The following GKAP1 variants were observed in gnomAD, a reference collection of about 807,000 sequenced individuals.
GKAP1 encodes the protein G kinase anchoring protein 1, also known as G kinase-anchoring protein 1.
Under a neutral mutation model 56.7 loss-of-function variants are expected in GKAP1, and 31 were observed. The ratio of observed to expected loss-of-function variants is 0.55; its 90% CI spans 0.41 to 0.74. The LOEUF (loss-of-function observed/expected upper bound fraction) is 0.74, where lower values mean the gene tolerates loss of function less well. Among genes scored for constraint, GKAP1 ranks in the 30% least tolerant of loss-of-function variants. GKAP1 has a pLI of 0.00. For synonymous variants in GKAP1, 151 were observed against 138.6 expected, an observed-to-expected ratio of 1.09 and a Z score of -0.63; for missense variants, 364 against 402.3, an observed-to-expected ratio of 0.90 and a Z score of 0.82.
intron 8 of GKAP1, among the ~76,000 whole-genome samples, chr9:83,764,516 T>C (rs1015006770): frequency 2.0e-5 from 3 of 152,110 alleles, no homozygotes; most frequent in African/African-American, 7.2e-5. Flanking sequence ...AGTAAATTGG[T>C]ACCACAGAGA....
intron 3 of GKAP1, among the ~76,000 whole-genome samples, chr9:83,805,391 C>T (rs1057144233): frequency 3.7e-4 from 56 of 151,948 alleles, no homozygotes; most frequent in Non-Finnish European, 6.3e-4. Flanking sequence ...GTTTATCTGC[C>T]GACCTTCCCT....
In GKAP1 at chr9:83,748,317, T is replaced by C; in HGVS notation, c.896A>G (p.Glu299Gly). ...ACATAAAATCCACTTACTTTCACCT[T>C]CCTGAAGCATTTTCAATAATTGTGC... ...RNAQLLKMLQ[E>G]GEMKDKAEIL... The change falls in exon 10 of 13, where the codon GAA (glutamate) becomes GGA (glycine). Residue 299 changes from glutamate (E) to glycine (G), a missense_variant. Physicochemically the swap from Glu to Gly is moderately conservative, Grantham distance 98. Transcript: ENST00000376371. 6.3e-7 allele frequency: 1 copy of C among 1,595,802 alleles called. No individual in the cohort carries two copies. Among genetic ancestry groups the C allele is most frequent in the Non-Finnish European group, 8.6e-7 (1 of 1,167,852 alleles).
intron 9 of GKAP1, chr9:83,749,077 C>T (rs1416577236): frequency 1.3e-5 from 2 of 152,028 alleles, no homozygotes; most frequent in South Asian, 4.1e-4. Context: ...GGCTTAGCTT[C>T]TTCTCACATT....
intron 2 of GKAP1, among the ~76,000 whole-genome samples, chr9:83,810,380 A>C (rs1276701484): frequency 6.6e-6 from 1 of 152,258 alleles, no homozygotes; most frequent in African/African-American, 2.4e-5. Flanking sequence ...CACAGAAGCA[A>C]GTACAATTCT....
chr9:83,804,159 T>C (rs559727891), intron 3 of GKAP1, among the ~76,000 whole-genome samples: 92 of 116,308 alleles, frequency 7.9e-4, no homozygotes, highest in Middle Eastern at 6.3e-3. Context: ...CCGCCCCGTC[T>C]GGGAGGTGAG....
At chr9:83,796,287 TA>T (rs2131308385) in intron 4 of GKAP1, among the ~76,000 whole-genome samples, 1 of 152,252 alleles carries the variant, frequency 6.6e-6, no homozygotes, top group Non-Finnish European at 1.5e-5. Context: ...GGACATTAAT[TA>T]TGCCTCTGTT....
chr9:83,743,885 T>G (rs1424619506), intron 10 of GKAP1, among the ~76,000 whole-genome samples: 1 of 152,156 alleles, frequency 6.6e-6, no homozygotes, highest in Non-Finnish European at 1.5e-5. Context: ...GAGAACTTCC[T>G]TAACTCATGG....
intron 4 of GKAP1, among the ~76,000 whole-genome samples, chr9:83,798,569 T>C (rs540954957): frequency 4.6e-5 from 7 of 152,276 alleles, no homozygotes; most frequent in Admixed American, 4.6e-4. Flanking sequence ...CAGGCTGGAG[T>C]GCAGTGACAA....
intron 6 of GKAP1, among the ~76,000 whole-genome samples, chr9:83,783,609 A>G (rs935683907): frequency 3.3e-5 from 5 of 152,210 alleles, no homozygotes; most frequent in African/African-American, 9.7e-5. Context: ...ATGATACTAT[A>G]AACACTTTTC....
chr9:83,774,419 T>C (rs1181412012), intron 7 of GKAP1, among the ~76,000 whole-genome samples: 2 of 151,336 alleles, frequency 1.3e-5, no homozygotes, highest in Non-Finnish European at 2.9e-5. Context: ...CTGGACAACA[T>C]GGCGAAACCC....
chr9:83,783,690 C>T (rs7874436), intron 6 of GKAP1, among the ~76,000 whole-genome samples: 85,759 of 152,036 alleles, frequency 0.56, 24,793 homozygotes, highest in Admixed American at 0.7. Context: ...CTTGAAGAGG[C>T]TGACCAACAA....
intron 7 of GKAP1, among the ~76,000 whole-genome samples, chr9:83,775,445 C>A (rs1943841726): frequency 6.6e-6 from 1 of 152,086 alleles, no homozygotes; most frequent in Non-Finnish European, 1.5e-5. Context: ...TATTCTATGA[C>A]CCCGATGTGA....
At chr9:83,800,730 C>T (rs1232407030) in intron 3 of GKAP1, among the ~76,000 whole-genome samples, 1 of 152,230 alleles carries the variant, frequency 6.6e-6, no homozygotes, top group African/African-American at 2.4e-5. Flanking sequence ...CTATAACCTA[C>T]TTTTGTACCA....
intron 10 of GKAP1, among the ~76,000 whole-genome samples, chr9:83,746,320 C>CTG (rs1943293358): frequency 6.6e-6 from 1 of 152,158 alleles, no homozygotes; most frequent in African/African-American, 2.4e-5. Context: ...CCCGAGGACA[C>CTG]CAAAATCTAA....
chr9:83,745,826 TATCAGCCAGG>T (rs1236221192), intron 10 of GKAP1, among the ~76,000 whole-genome samples: 1 of 152,070 alleles, frequency 6.6e-6, no homozygotes, highest in East Asian at 1.9e-4. Context: ...AGTCTCACTC[TATCAGCCAGG>T]ATGGAGTGCA....
chr9:83,774,399 C>A (rs1462831688), intron 7 of GKAP1, among the ~76,000 whole-genome samples: 1 of 151,332 alleles, frequency 6.6e-6, no homozygotes, highest in East Asian at 2.0e-4. Flanking sequence ...CCCCGGAGTT[C>A]AAGACCAGCC....
intron 2 of GKAP1, among the ~76,000 whole-genome samples, chr9:83,813,926 C>T (rs1342032360): frequency 6.6e-6 from 1 of 152,088 alleles, no homozygotes; most frequent in African/African-American, 2.4e-5. Context: ...CATGGCAAAA[C>T]CCCTTCTCTA....
At chr9:83,809,939 C>G (rs949096536) in intron 2 of GKAP1, among the ~76,000 whole-genome samples, 6 of 152,192 alleles carry the variant, frequency 3.9e-5, no homozygotes, top group Admixed American at 2.0e-4. Flanking sequence ...TCCTGAGTAG[C>G]TGGGACTAAA....
At chr9:83,806,903 C>A (rs1233374349) in intron 2 of GKAP1, among the ~76,000 whole-genome samples, 1 of 152,022 alleles carries the variant, frequency 6.6e-6, no homozygotes, top group Non-Finnish European at 1.5e-5. Flanking sequence ...AAAAGAATAT[C>A]ATTTTTTCAT....
Sources: gnomAD v4.1 joint callset for allele counts (sites outside exome capture counted in the v4.1 genomes callset) on GRCh38, gnomAD v4.1.1 for gene constraint, MANE v1.5 for transcripts, NCBI Gene and HGNC (gene_info 2026-07-23, HGNC 2026-07-21) for gene names.